Variants in FABP7 observed in about 807,000 individuals in gnomAD.
FABP7 encodes the protein fatty acid binding protein 7.
In FABP7, 13 loss-of-function variants were observed where a neutral mutation model predicts 14.2. That is an observed-to-expected ratio of 0.91 (90% CI 0.59 to 1.45). The LOEUF is 1.45. Among genes scored for constraint, FABP7 ranks in the 40% most tolerant of loss-of-function variants. The probability of loss-of-function intolerance (pLI) is 0.00; values close to 1 mark genes in which losing one functional copy is unlikely to be tolerated. For missense variants in FABP7, 149 were observed against 157.6 expected (o/e 0.95, Z 0.29); for synonymous variants, 49 against 51.4 (o/e 0.95, Z 0.20).
chr6:122,753,793 C>CA, the FABP7 span, among the ~76,000 whole-genome samples: 5 of 99,636 alleles, frequency 5.0e-5, no homozygotes, highest in Admixed American at 2.9e-4. Context: ...CGCCCCCCCC[C>CA]CGCCCACAGA....
At position 122,779,746 on chromosome 6, in the gene FABP7, T is replaced by C. The variant is rs1458968583; in HGVS notation, c.-49T>C. 6.3e-7 allele frequency: 1 copy of C among 1,580,662 alleles called. No individual in the cohort carries two copies. The highest frequency in any genetic ancestry group is 2.2e-5 in the East Asian group (1 of 44,738). On this transcript the variant is annotated 5_prime_UTR_variant, in exon 1 of 4. Transcript: ENST00000368444. ...GGGTCTTCTGAGCTGCAGTGGCAAT[T>C]AGACCAGAAGATCCCCGCTCCTGTC...
At chr6:122,766,530 T>C in the FABP7 span, among the ~76,000 whole-genome samples, 2 of 152,112 alleles carry the variant, frequency 1.3e-5, no homozygotes, top group Non-Finnish European at 2.9e-5. Flanking sequence ...GCTTGTTTTA[T>C]TTTAGGTCTT....
At chr6:122,751,768 C>T in the FABP7 span, among the ~76,000 whole-genome samples, 1 of 152,132 alleles carries the variant, frequency 6.6e-6, no homozygotes, top group Non-Finnish European at 1.5e-5. Context: ...CTACCTTGTA[C>T]ACCTATTTCA....
the FABP7 span, among the ~76,000 whole-genome samples, chr6:122,750,731 G>A: frequency 3.3e-5 from 5 of 152,202 alleles, no homozygotes; most frequent in South Asian, 2.1e-4. Context: ...GGTCTAAACC[G>A]GAATGTTGTG....
chr6:122,783,695 G>A (rs754102902), intron 3 of FABP7, 22 bp from the exon 4 acceptor site: 4 of 1,580,486 alleles, frequency 2.5e-6, no homozygotes, highest in Non-Finnish European at 3.4e-6. Flanking sequence ...AAAAAGATTT[G>A]ATTATCTTTT....
At chr6:122,764,386 C>T in the FABP7 span, among the ~76,000 whole-genome samples, 5,628 of 151,310 alleles carry the variant, frequency 0.037, 331 homozygotes, top group African/African-American at 0.13. Flanking sequence ...CAGGGCCTGT[C>T]ATGGGGTGGG....
At chr6:122,767,714 C>T in the FABP7 span, among the ~76,000 whole-genome samples, 1 of 148,590 alleles carries the variant, frequency 6.7e-6, no homozygotes, top group Non-Finnish European at 1.5e-5. Flanking sequence ...AGTTTGGGAC[C>T]TGCCTGGGCA....
intron 3 of FABP7, chr6:122,782,214 A>G (rs1041838898): frequency 1.0e-6 from 1 of 978,876 alleles, no homozygotes; most frequent in Non-Finnish European, 1.2e-6. Flanking sequence ...AGGATTTATT[A>G]GTGTCCTAAG....
At chr6:122,757,851 G>T in the FABP7 span, among the ~76,000 whole-genome samples, 1 of 152,040 alleles carries the variant, frequency 6.6e-6, no homozygotes, top group African/African-American at 2.4e-5. Flanking sequence ...ACTAAAAGAA[G>T]AAAATATTAG....
chr6:122,780,309 G>A lies in FABP7; in HGVS notation c.92G>A (p.Arg31Lys). The change falls in exon 2 of 4, where the codon AGG becomes AAG. Residue 31 changes from arginine (R) to lysine (K), a missense_variant. By Grantham distance (26) the Arg-to-Lys change is conservative (BLOSUM62 2). Coordinates refer to ENST00000368444, the MANE Select transcript of FABP7 (RefSeq NM_001446.5). The part of the protein sequence containing the change: ...MKALGVGFAT[R>K]QVGNVTKPTV... ...ATTTTAGGCGTGGGCTTTGCCACTA[G>A]GCAGGTGGGAAATGTGACCAAACCA... 6.2e-7 allele frequency: 1 copy of A among 1,614,134 alleles called. No individual in the cohort carries two copies. The highest frequency in any genetic ancestry group is 8.5e-7 in the Non-Finnish European group (1 of 1,180,030).
At chr6:122,754,202 G>A in the FABP7 span, among the ~76,000 whole-genome samples, 3 of 152,068 alleles carry the variant, frequency 2.0e-5, no homozygotes, top group Non-Finnish European at 2.9e-5. Flanking sequence ...TTAAATAGGA[G>A]TTCCACAAAG....
chr6:122,773,231 C>T, the FABP7 span, among the ~76,000 whole-genome samples: 11 of 152,212 alleles, frequency 7.2e-5, no homozygotes, highest in Non-Finnish European at 7.4e-5. Context: ...GACATTAAGG[C>T]GCCAAAATGT....
chr6:122,779,764 C>G lies in FABP7; in HGVS notation c.-31C>G, dbSNP rs746482438. The G allele has an allele frequency of 6.2e-7, 1 of 1,610,790 alleles. No individual in the cohort carries two copies. Among genetic ancestry groups the G allele is most frequent in the East Asian group, 2.2e-5 (1 of 44,856 alleles). ...TGGCAATTAGACCAGAAGATCCCCG[C>G]TCCTGTCTCTAAAGAGGGGAAAGGG... is the stretch of plus-strand genomic sequence containing the variant. On this transcript the variant is annotated 5_prime_UTR_variant, in exon 1 of 4. Transcript: ENST00000368444.
At chr6:122,777,204 C>T (rs558642629), upstream of FABP7, among the ~76,000 whole-genome samples, 2 of 152,248 alleles carry the variant, frequency 1.3e-5, no homozygotes, top group Admixed American at 1.3e-4. Context: ...CTTACACATC[C>T]TACCACTTTA....
At chr6:122,758,061 T>C in the FABP7 span, among the ~76,000 whole-genome samples, 1 of 150,522 alleles carries the variant, frequency 6.6e-6, no homozygotes, top group East Asian at 1.9e-4. Context: ...TTCATTGCAA[T>C]GCAATAAAGC....
At chr6:122,782,333 C>A in intron 3 of FABP7, 1 of 511,548 alleles carries the variant, frequency 2.0e-6, no homozygotes, top group Non-Finnish European at 2.5e-6. Context: ...GTGTTGCCAT[C>A]CTTCTGCGGG....
the FABP7 span, among the ~76,000 whole-genome samples, chr6:122,769,864 G>A: frequency 4.1e-4 from 62 of 152,158 alleles, no homozygotes; most frequent in Non-Finnish European, 8.1e-4. Flanking sequence ...GAAAGAAAAA[G>A]TAAAATAATG....
upstream of FABP7, among the ~76,000 whole-genome samples, chr6:122,775,709 A>AC (rs146526647): frequency 0.16 from 23,649 of 151,252 alleles, 2,234 homozygotes; most frequent in Middle Eastern, 0.23. Flanking sequence ...AACAACAAAA[A>AC]AAACAAACAA....
chr6:122,753,372 T>C, the FABP7 span, among the ~76,000 whole-genome samples: 1 of 152,206 alleles, frequency 6.6e-6, no homozygotes, highest in Non-Finnish European at 1.5e-5. Flanking sequence ...TTACATAGAC[T>C]TCTGTGCATC....
Sources: gnomAD v4.1 joint callset for allele counts (sites outside exome capture counted in the v4.1 genomes callset) on GRCh38, gnomAD v4.1.1 for gene constraint, MANE v1.5 for transcripts, NCBI Gene and HGNC (gene_info 2026-07-23, HGNC 2026-07-21) for gene names.